MRTFB: variants seen among roughly 807,000 people sequenced by gnomAD.
MRTFB encodes the protein myocardin related transcription factor B, also known as myocardin-related transcription factor B.
In MRTFB, 29 loss-of-function variants were observed where a neutral mutation model predicts 104.2. That is an observed-to-expected ratio of 0.28 (90% CI 0.21 to 0.38). The LOEUF (loss-of-function observed/expected upper bound fraction) is 0.38. Ranked by LOEUF, MRTFB falls within the 10% of genes least tolerant of loss-of-function variation. The pLI, the probability that MRTFB is intolerant of heterozygous loss-of-function variation, is 1.00. For missense variants in MRTFB, 1,270 were observed against 1,341.6 expected, an observed-to-expected ratio of 0.95 and a Z score of 0.83; for synonymous variants, 535 against 519.5, an observed-to-expected ratio of 1.03 and a Z score of -0.41.
At chr16:14,166,499 G>T (rs927452636) in intron 3 of MRTFB, among the ~76,000 whole-genome samples, 2 of 151,950 alleles carry the variant, frequency 1.3e-5, no homozygotes, top group African/African-American at 2.4e-5. Context: ...TTACATTTTT[G>T]TTGTTGTTGT....
intron 12 of MRTFB, 97 bp from the exon 13 acceptor site, chr16:14,248,829 T>TA (rs749770377): frequency 7.6e-6 from 10 of 1,321,212 alleles, no homozygotes; most frequent in Non-Finnish European, 1.0e-5. Flanking sequence ...TTCATTTAGA[T>TA]ACAATCCCCA....
At chr16:14,056,489 A>G in the MRTFB span, among the ~76,000 whole-genome samples, 1 of 152,012 alleles carries the variant, frequency 6.6e-6, no homozygotes, top group African/African-American at 2.4e-5. Flanking sequence ...CTTCCAATAA[A>G]CCCCAATTAT....
At chr16:14,132,265 G>T (rs780637162) in intron 2 of MRTFB, among the ~76,000 whole-genome samples, 1 of 152,030 alleles carries the variant, frequency 6.6e-6, no homozygotes, top group Non-Finnish European at 1.5e-5. Context: ...GGTTGCCAGG[G>T]TCTGAGGGAG....
chr16:14,234,803 AAAAC>A (rs1255165550), intron 9 of MRTFB, among the ~76,000 whole-genome samples: 1 of 152,182 alleles, frequency 6.6e-6, no homozygotes, highest in Non-Finnish European at 1.5e-5. Flanking sequence ...TCTTTAAAAA[AAAAC>A]AAAACCAACT....
In MRTFB at chr16:14,185,143, C is replaced by T. The variant is rs766415255; in HGVS notation, c.155-25100C>T. On this transcript the variant is annotated intron_variant, in intron 3 of 16. Coordinates refer to ENST00000571589, the MANE Select transcript of MRTFB (RefSeq NM_001308142.2). The stretch of plus-strand genomic sequence containing the variant: ...AGGGCATTTTTGAGAGTGTGATAAG[C>T]TTGTCACTATTTGTTCCTGCAGAGG... 2.8e-4 allele frequency among the ~76,000 whole-genome samples: 42 copies of T among 152,174 alleles called. 1 individual carries two copies. Among genetic ancestry groups the T allele is most frequent in the Non-Finnish European group, 5.0e-4 (34 of 68,032 alleles).
chr16:14,113,835 A>T (rs982679448), intron 2 of MRTFB, among the ~76,000 whole-genome samples: 2 of 152,192 alleles, frequency 1.3e-5, no homozygotes, highest in African/African-American at 2.4e-5. Context: ...CCCTACATCA[A>T]GCTTGTTTTG....
intron 6 of MRTFB, 79 bp downstream of exon 6, chr16:14,213,699 C>A: frequency 3.6e-6 from 4 of 1,111,854 alleles, no homozygotes; most frequent in Non-Finnish European, 3.9e-6. Context: ...CTGTTTATTC[C>A]CATTTTAATA....
intron 2 of MRTFB, among the ~76,000 whole-genome samples, chr16:14,114,531 G>A (rs912294940): frequency 6.6e-6 from 1 of 152,134 alleles, no homozygotes; most frequent in Non-Finnish European, 1.5e-5. Flanking sequence ...GTAAAAGCTC[G>A]TTTCCTGCCT....
the MRTFB span, among the ~76,000 whole-genome samples, chr16:14,029,860 T>C: frequency 1.3e-5 from 2 of 152,096 alleles, no homozygotes; most frequent in Non-Finnish European, 2.9e-5. Context: ...AGACTGGCTA[T>C]CTGGGTTACC....
chr16:14,065,879 G>C, the MRTFB span, among the ~76,000 whole-genome samples: 1 of 152,016 alleles, frequency 6.6e-6, no homozygotes, highest in Non-Finnish European at 1.5e-5. Flanking sequence ...AGTTCTCTCT[G>C]ATGCATCCTT....
At chr16:14,216,669 TC>T (rs1428738794) in intron 6 of MRTFB, among the ~76,000 whole-genome samples, 4 of 151,998 alleles carry the variant, frequency 2.6e-5, no homozygotes, top group Non-Finnish European at 5.9e-5. Flanking sequence ...TGATAGCTCT[TC>T]CCATTGACCT....
At chr16:13,998,785 T>TTTC in the MRTFB span, among the ~76,000 whole-genome samples, 1 of 146,452 alleles carries the variant, frequency 6.8e-6, no homozygotes, top group Non-Finnish European at 1.5e-5. Context: ...TATTGGCCTG[T>TTTC]TTCTTAAGCC....
chr16:14,229,906 C>G (rs1166353472), intron 8 of MRTFB, among the ~76,000 whole-genome samples: 3 of 151,996 alleles, frequency 2.0e-5, no homozygotes, highest in Admixed American at 2.0e-4. Flanking sequence ...AAGTTTGCAG[C>G]TTTTTTTGTT....
rs145099295 is a variant in MRTFB, at chr16:14,246,679, T to C, written c.1419T>C (p.Thr473=). Residue 473 remains threonine, a synonymous_variant, in exon 12 of 17, where the codon ACT becomes ACC. Coordinates refer to ENST00000571589, the MANE Select transcript of MRTFB (RefSeq NM_001308142.2). ...TGCCGGTTACAACACTACACAACAC[T>C]GTGACTAGCTCAGTCTCTACTCTCA... ...VALPVTTLHN[T]VTSSVSTLKA... 145 of 1,614,176 alleles carry C rather than the reference T, an allele frequency of 9.0e-5. 1 individual carries two copies. In the African/African-American group the frequency reaches 1.5e-3, roughly 17 times the overall value.
At chr16:14,226,479 A>C (rs987163278) in intron 8 of MRTFB, among the ~76,000 whole-genome samples, 2 of 152,214 alleles carry the variant, frequency 1.3e-5, no homozygotes, top group Non-Finnish European at 2.9e-5. Context: ...GGATATCCAC[A>C]TGCAAAAAAG....
At chr16:14,059,445 G>T in the MRTFB span, among the ~76,000 whole-genome samples, 1 of 152,072 alleles carries the variant, frequency 6.6e-6, no homozygotes, top group Admixed American at 6.6e-5. Context: ...TGAGTATTCA[G>T]GTGGTCATGG....
chr16:14,008,937 A>ATTTTATTTATTTATTTATTTATTTATTT, the MRTFB span, among the ~76,000 whole-genome samples: 1 of 54,814 alleles, frequency 1.8e-5, no homozygotes, highest in South Asian at 5.1e-4. Context: ...CTTTTTTAAA[A>ATTTTATTTATTTATTTATTTATTTATTT]TTTTATGTAT....
At chr16:14,103,048 T>C (rs2035781473) in intron 2 of MRTFB, among the ~76,000 whole-genome samples, 2 of 152,334 alleles carry the variant, frequency 1.3e-5, no homozygotes, top group Middle Eastern at 3.4e-3. Context: ...TCTTTGAGAC[T>C]CAGCTCCAGC....
At chr16:14,119,920 C>CAGATTATATATCT (rs1567345465) in intron 2 of MRTFB, among the ~76,000 whole-genome samples, 1 of 152,084 alleles carries the variant, frequency 6.6e-6, no homozygotes, top group African/African-American at 2.4e-5. Flanking sequence ...AGATCATTCT[C>CAGATTATATATCT]CAGAGCAGCT....
Sources: gnomAD v4.1 joint callset for allele counts (sites outside exome capture counted in the v4.1 genomes callset) on GRCh38, gnomAD v4.1.1 for gene constraint, MANE v1.5 for transcripts, NCBI Gene and HGNC (gene_info 2026-07-23, HGNC 2026-07-21) for gene names.